PMPCB: variants seen among roughly 807,000 people sequenced by gnomAD.
PMPCB encodes the protein peptidase, mitochondrial processing subunit beta, also known as mitochondrial-processing peptidase subunit beta.
A neutral mutation model predicts 61.5 loss-of-function variants in PMPCB; 46 were observed. The observed-to-expected ratio is 0.75, with a 90% CI of 0.59 to 0.96. The LOEUF is 0.96. PMPCB is among the 40% of genes least tolerant of loss of function. The pLI is 0.00. For synonymous variants in PMPCB, 191 were observed against 201.6 expected, an observed-to-expected ratio of 0.95 and a Z score of 0.44; for missense variants, 590 against 602.4, an observed-to-expected ratio of 0.98 and a Z score of 0.22.
chr7:103,311,476 T>A, intron 9 of PMPCB, 167 bp from the exon 10 acceptor site: 1 of 604,428 alleles, frequency 1.7e-6, no homozygotes, highest in Non-Finnish European at 2.9e-6. Flanking sequence ...GTATCATTTT[T>A]GAGAAATTAA....
Position 103,312,595 on chromosome 7 carries a change from G to C in PMPCB, c.*324G>C, listed in dbSNP as rs763956403. The C allele has an allele frequency of 2.5e-6, 4 of 1,613,402 alleles. No individual in the cohort carries two copies. In the South Asian group the frequency reaches 4.4e-5, roughly 18 times the overall value. On this transcript the variant is annotated 3_prime_UTR_variant, in exon 13 of 13. Coordinates refer to ENST00000249269, the MANE Select transcript of PMPCB (RefSeq NM_004279.3). ...CATTTCTTGGCTCTACTTGCATTCAGCACTTGTTCTTGAGCAGCTTTCTTT... is the reference window on the plus strand; with the variant it reads ...CATTTCTTGGCTCTACTTGCATTCACCACTTGTTCTTGAGCAGCTTTCTTT...
the PMPCB span, among the ~76,000 whole-genome samples, chr7:103,342,358 T>C: frequency 6.6e-6 from 1 of 151,928 alleles, no homozygotes; most frequent in African/African-American, 2.4e-5. Flanking sequence ...CAGGCTGGAA[T>C]GCAATGGCGA....
At chr7:103,308,865 A>T in intron 7 of PMPCB, 87 bp from the exon 8 acceptor site, 1 of 1,065,682 alleles carries the variant, frequency 9.4e-7, no homozygotes, top group Non-Finnish European at 1.3e-6. Context: ...CTTTGCAGTT[A>T]ATGGGACTGG....
intron 1 of PMPCB, chr7:103,297,933 G>T: frequency 7.9e-7 from 1 of 1,259,844 alleles, no homozygotes; most frequent in Non-Finnish European, 1.0e-6. Flanking sequence ...TGGGCTTCCC[G>T]CGAACCTGGA....
intron 6 of PMPCB, among the ~76,000 whole-genome samples, chr7:103,305,030 T>C (rs1817540969): frequency 6.6e-6 from 1 of 152,038 alleles, no homozygotes; most frequent in Non-Finnish European, 1.5e-5. Context: ...GCGTACATAG[T>C]AGAACGTGCA....
Position 103,304,384 on chromosome 7 carries a change from T to C in PMPCB, c.657-27T>C, listed in dbSNP as rs112954783. 5.2e-5 allele frequency: 70 copies of C among 1,353,232 alleles called. 1 individual carries two copies. In the African/African-American group the frequency reaches 5.5e-4, roughly 11 times the overall value. The allele number at this position is 1,353,232 out of a possible 1,614,324, so 83.8% of individuals were successfully genotyped here. ...AGATCTGTTTTTTTTTTGGTTTCCT[T>C]TAAAAATTGTTTTACTTCATTTACA... On this transcript the variant is annotated intron_variant, in intron 5 of 12. Transcript: ENST00000249269.
chr7:103,323,547 T>TACCAGAGA, intron 12 of PMPCB: 3 of 1,397,700 alleles, frequency 2.1e-6, no homozygotes, highest in Non-Finnish European at 2.8e-6. Context: ...TCATCACAAA[T>TACCAGAGA]ACCAGAGAAC....
In PMPCB at chr7:103,314,421, G is replaced by A; in HGVS notation, c.*2150G>A. On this transcript the variant is annotated 3_prime_UTR_variant, in exon 13 of 13. Coordinates refer to ENST00000249269, the MANE Select transcript of PMPCB (RefSeq NM_004279.3). ...GAGGCAAAGGAGTCATACCCACATA[G>A]CACTACTGCCAGTCACTCTTGCCTT... 5 of 985,338 alleles carry A rather than the reference G, an allele frequency of 5.1e-6. No individual in the cohort carries two copies. Among genetic ancestry groups the A allele is most frequent in the Non-Finnish European group, 6.0e-6 (5 of 829,910 alleles). The allele number at this position is 985,338 out of a possible 1,614,324, so 61.0% of individuals were successfully genotyped here.
intron 2 of PMPCB, among the ~76,000 whole-genome samples, chr7:103,299,133 C>T (rs192792645): frequency 6.6e-6 from 1 of 152,276 alleles, no homozygotes; most frequent in East Asian, 1.9e-4. Context: ...ATGACAGAGC[C>T]AGGATTTCAA....
the PMPCB span, chr7:103,347,484 C>A: frequency 2.2e-6 from 1 of 463,384 alleles, no homozygotes. Context: ...GTCTAATATG[C>A]CAGGCGTTTT....
intron 12 of PMPCB, among the ~76,000 whole-genome samples, chr7:103,320,378 G>A (rs1311790963): frequency 1.3e-5 from 2 of 151,940 alleles, no homozygotes; most frequent in East Asian, 1.9e-4. Flanking sequence ...GAGCCACCGC[G>A]CCCGGCTGTT....
rs557728452 is a variant in PMPCB, at chr7:103,314,589, G to A, written c.*2318G>A. On this transcript the variant is annotated 3_prime_UTR_variant, in exon 13 of 13. Transcript: ENST00000249269. ...GTATTTTGTGGAGATAAAGGTGCAG[G>A]AGAATAAACTCCTTTATAAAGAAGT... 3.6e-4 allele frequency: 351 copies of A among 985,088 alleles called. No individual in the cohort carries two copies. The highest frequency in any genetic ancestry group is 5.2e-4 in the Middle Eastern group (1 of 1,936). The allele number at this position is 985,088 out of a possible 1,614,324, so 61.0% of individuals were successfully genotyped here. A position where few individuals can be genotyped will look rare whatever the true frequency, so the allele number is the denominator to read the frequency against.
intron 1 of PMPCB, among the ~76,000 whole-genome samples, chr7:103,298,144 A>G (rs1258915806): frequency 2.7e-5 from 4 of 150,916 alleles, no homozygotes; most frequent in Non-Finnish European, 5.9e-5. Flanking sequence ...TTTTTTAACC[A>G]TTTCCAAACC....
At chr7:103,299,321 C>G in intron 2 of PMPCB, 122 bp from the exon 3 acceptor site, 1 of 615,520 alleles carries the variant, frequency 1.6e-6, no homozygotes, top group Non-Finnish European at 2.8e-6. Context: ...TCAATTCACT[C>G]AGGTCAAGAA....
rs1402926253 is a variant in PMPCB, at chr7:103,312,093, A to C, written c.1367A>C (p.Lys456Thr). ...GAGACAATTCGAGAAGTATGTACCA[A>C]ATACATTTATAATAGGAGTCCAGCT... ...NAETIREVCTKYIYNRSPAIA... is the reference protein window; with the variant it reads ...NAETIREVCTTYIYNRSPAIA... Residue 456 changes from lysine to threonine, a missense_variant, in exon 12 of 13, where the codon AAA becomes ACA. By Grantham distance (78) the Lys-to-Thr change is moderately conservative. Coordinates refer to ENST00000249269, the MANE Select transcript of PMPCB (RefSeq NM_004279.3). The C allele has an allele frequency of 6.2e-7, 1 of 1,614,080 alleles. No homozygotes were observed. The highest frequency in any genetic ancestry group is 2.2e-5 in the East Asian group (1 of 44,858).
the PMPCB span, chr7:103,342,028 T>A: frequency 8.1e-7 from 1 of 1,238,084 alleles, no homozygotes; most frequent in South Asian, 2.1e-5. Context: ...ATTAATTTTT[T>A]CAGGAAATAA....
chr7:103,316,773 C>A, downstream of PMPCB: 2 of 1,404,732 alleles, frequency 1.4e-6, no homozygotes, highest in Non-Finnish European at 2.0e-6. Context: ...TGGAGTCTGT[C>A]TACATTATCT....
chr7:103,320,250 G>A (rs538243579), intron 12 of PMPCB, among the ~76,000 whole-genome samples: 63 of 151,814 alleles, frequency 4.1e-4, no homozygotes, highest in African/African-American at 1.5e-3. Flanking sequence ...CACCACACCT[G>A]GCTAATTTTT....
At chr7:103,297,837 T>G in intron 1 of PMPCB, 2 of 1,503,710 alleles carry the variant, frequency 1.3e-6, no homozygotes, top group Non-Finnish European at 1.8e-6. Flanking sequence ...AAAAACGTAG[T>G]GCTTGCAAAT....
Sources: gnomAD v4.1 joint callset for allele counts (sites outside exome capture counted in the v4.1 genomes callset) on GRCh38, gnomAD v4.1.1 for gene constraint, MANE v1.5 for transcripts, NCBI Gene and HGNC (gene_info 2026-07-23, HGNC 2026-07-21) for gene names.